TRIM9: variants seen among roughly 807,000 people sequenced by gnomAD.
The protein encoded by TRIM9 is E3 ubiquitin-protein ligase TRIM9.
In TRIM9, 26 loss-of-function variants were observed where a neutral mutation model predicts 78.3. The observed-to-expected ratio is 0.33, with a 90% confidence interval of 0.24 to 0.46. TRIM9 has a LOEUF of 0.46. TRIM9 is among the 20% of genes least tolerant of loss of function. The pLI is 1.00. For synonymous variants in TRIM9, 398 were observed against 416.5 expected (o/e 0.96, Z 0.54); for missense variants, 787 against 1,036.4 (o/e 0.76, Z 3.30).
In TRIM9 at chr14:50,976,642, A is replaced by G. The variant is rs883690; in HGVS notation, c.*649T>C. ...TATACAGTGGCCAGGGTTCTGGCCT[A>G]TCCTAATTATAGAGCCATCCTAACG... On this transcript the variant is annotated 3_prime_UTR_variant, in exon 13 of 13. Coordinates refer to ENST00000684578, the MANE Select transcript of TRIM9 (RefSeq NM_001387360.1). 38,303 of 152,528 alleles carry G rather than the reference A, an allele frequency of 0.25. 5,891 individuals carry two copies. The highest frequency in any genetic ancestry group is 0.44 in the South Asian group (2,137 of 4,814). 9.4% of individuals were successfully genotyped at this position (152,528 alleles called of 1,614,324 possible).
chr14:51,039,279 A>G (rs2059400417), intron 1 of TRIM9, among the ~76,000 whole-genome samples: 2 of 152,244 alleles, frequency 1.3e-5, no homozygotes. Context: ...TCTTCCTAAT[A>G]AAGTTAAACG....
In TRIM9 at chr14:50,987,707, A is replaced by C. The variant is rs117818891; in HGVS notation, c.1604-1563T>G. On this transcript the variant is annotated intron_variant, in intron 7 of 12. Transcript: ENST00000684578. ...TAGAAAAATTCAAAATACAACACCC[A>C]AGCACCACAAACTGGCATGGGTTTC... Among the ~76,000 whole-genome samples, 456 of 152,276 alleles carry C rather than the reference A, an allele frequency of 3.0e-3. 5 individuals are homozygous for C. The South Asian group carries it at 0.035, about 12-fold the overall frequency.
Position 51,000,663 on chromosome 14 carries a change from G to C in TRIM9, c.1464+20C>G. ...GTCACTGCTTTGGGTTAACAAGTACGTAGTGGGCTGTCTACTGACCCGGAA... is the reference window on the plus strand; with the variant it reads ...GTCACTGCTTTGGGTTAACAAGTACCTAGTGGGCTGTCTACTGACCCGGAA... On this transcript the variant is annotated intron_variant, in intron 6 of 12. Transcript: ENST00000684578. The C allele has an allele frequency of 6.2e-7, 1 of 1,613,834 alleles. No homozygotes were observed. The highest frequency in any genetic ancestry group is 1.1e-5 in the South Asian group (1 of 91,062).
chr14:51,093,061 C>T (rs2064529833), intron 1 of TRIM9, among the ~76,000 whole-genome samples: 2 of 151,976 alleles, frequency 1.3e-5, no homozygotes, highest in South Asian at 2.1e-4. Flanking sequence ...CAGTAAGAAG[C>T]AGTGTGGCTG....
chr14:50,982,192 T>C, intron 10 of TRIM9, 89 bp from the exon 11 acceptor site: 2 of 1,482,548 alleles, frequency 1.3e-6, no homozygotes, highest in South Asian at 1.3e-5. Context: ...AGGAGCGTTG[T>C]GTAGCGTTTT....
chr14:50,993,123 A>G (rs11157788), intron 7 of TRIM9, among the ~76,000 whole-genome samples: 57,181 of 151,804 alleles, frequency 0.38, 11,347 homozygotes, highest in Middle Eastern at 0.51. Context: ...TCAGAGATGT[A>G]GCTCTGATAT....
intron 8 of TRIM9, among the ~76,000 whole-genome samples, chr14:50,985,754 C>T (rs2052620923): frequency 6.6e-6 from 1 of 152,184 alleles, no homozygotes; most frequent in Non-Finnish European, 1.5e-5. Flanking sequence ...GACCACAGCT[C>T]CATGGTTGCT....
chr14:51,002,114 T>C lies in TRIM9; in HGVS notation c.1307-1274A>G, dbSNP rs975008741. Among the ~76,000 whole-genome samples the C allele has an allele frequency of 3.9e-5, 6 of 152,130 alleles. No individual in the cohort carries two copies. In the South Asian group the frequency reaches 1.2e-3, roughly 31 times the overall value. On this transcript the variant is annotated intron_variant, in intron 5 of 12. Coordinates refer to ENST00000684578, the MANE Select transcript of TRIM9 (RefSeq NM_001387360.1). ...GTTGGGAACCATGGTTTTGTGTGTG[T>C]GTGTGTGTGTGTTTTTCTTTTTTTT...
At chr14:51,029,266 G>T (rs1401671803) in intron 1 of TRIM9, among the ~76,000 whole-genome samples, 1 of 152,190 alleles carries the variant, frequency 6.6e-6, no homozygotes, top group Non-Finnish European at 1.5e-5. Flanking sequence ...GTCACTCGAA[G>T]AGTTGGTACA....
intron 1 of TRIM9, among the ~76,000 whole-genome samples, chr14:51,079,792 G>A (rs1442876103): frequency 1.3e-5 from 2 of 152,170 alleles, no homozygotes; most frequent in Non-Finnish European, 2.9e-5. Flanking sequence ...ACGACCTAGA[G>A]CTAGATGAAA....
At chr14:50,982,160 A>C in intron 10 of TRIM9, 57 bp from the exon 11 acceptor site, 1 of 1,585,436 alleles carries the variant, frequency 6.3e-7, no homozygotes, top group Non-Finnish European at 8.6e-7. Context: ...GCTCAGCACC[A>C]TAACATACTC....
In TRIM9 at chr14:50,976,987, A is replaced by G. The variant is rs3742326; in HGVS notation, c.*304T>C. On this transcript the variant is annotated 3_prime_UTR_variant, in exon 13 of 13. Transcript: ENST00000684578. The stretch of plus-strand genomic sequence containing the variant: ...AAGAAAGAAAATATAACTCACCTAC[A>G]TAAAAAATTAAGTTAAATAAAAGCA... 0.012 allele frequency: 2,801 copies of G among 242,538 alleles called. 47 individuals are homozygous for G. The highest frequency in any genetic ancestry group is 0.043 in the South Asian group (244 of 5,684). 15.0% of individuals were successfully genotyped at this position (242,538 alleles called of 1,614,324 possible).
At position 50,977,285 on chromosome 14, in the gene TRIM9, A is replaced by G; in HGVS notation, c.*6T>C. ...AACAGGCAGCTGGCGCCTCCACGGCACATCCTTAGGCTATTGATGCTCTGC... is the reference window on the plus strand; with the variant it reads ...AACAGGCAGCTGGCGCCTCCACGGCGCATCCTTAGGCTATTGATGCTCTGC... On this transcript the variant is annotated 3_prime_UTR_variant, in exon 13 of 13. Coordinates refer to ENST00000684578, the MANE Select transcript of TRIM9 (RefSeq NM_001387360.1). The G allele has an allele frequency of 6.7e-7, 1 of 1,500,006 alleles. No individual in the cohort carries two copies. Among genetic ancestry groups the G allele is most frequent in the South Asian group, 1.3e-5 (1 of 74,382 alleles). The allele number at this position is 1,500,006 out of a possible 1,614,324, so 92.9% of individuals were successfully genotyped here. A position where few individuals can be genotyped will look rare whatever the true frequency, so the allele number is the denominator to read the frequency against.
At chr14:51,047,757 A>G (rs1486598119) in intron 1 of TRIM9, among the ~76,000 whole-genome samples, 1 of 152,212 alleles carries the variant, frequency 6.6e-6, no homozygotes, top group African/African-American at 2.4e-5. Context: ...TGGGCAATGC[A>G]CCTTAGAAAA....
chr14:51,046,250 A>C (rs529574492), intron 1 of TRIM9, among the ~76,000 whole-genome samples: 158 of 152,082 alleles, frequency 1.0e-3, no homozygotes, highest in Non-Finnish European at 1.9e-3. Context: ...GTGGGGCTGG[A>C]CCTAGTTATT....
intron 1 of TRIM9, among the ~76,000 whole-genome samples, chr14:51,040,808 C>G (rs117572731): frequency 0.013 from 2,031 of 152,254 alleles, 19 homozygotes; most frequent in Non-Finnish European, 0.02. Flanking sequence ...ATTTACAAAG[C>G]CTGAATTTAA....
At chr14:51,049,475 C>T (rs141874435) in intron 1 of TRIM9, among the ~76,000 whole-genome samples, 53 of 152,180 alleles carry the variant, frequency 3.5e-4, no homozygotes, top group African/African-American at 1.2e-3. Flanking sequence ...AAAGAGTTAC[C>T]ATCCATTTGT....
At chr14:51,076,523 C>A (rs569037253) in intron 1 of TRIM9, among the ~76,000 whole-genome samples, 1 of 152,204 alleles carries the variant, frequency 6.6e-6, no homozygotes, top group African/African-American at 2.4e-5. Flanking sequence ...GATACACAAT[C>A]ATAGTAAAAA....
chr14:51,062,484 G>A (rs921100240), intron 1 of TRIM9, among the ~76,000 whole-genome samples: 1 of 152,152 alleles, frequency 6.6e-6, no homozygotes, highest in Non-Finnish European at 1.5e-5. Flanking sequence ...TATAAACCCT[G>A]GGGAATATAT....
Sources: allele counts gnomAD v4.1 joint callset (sites outside exome capture counted in the v4.1 genomes callset), GRCh38; gene constraint gnomAD v4.1.1; transcripts MANE v1.5; gene names NCBI Gene and HGNC (gene_info 2026-07-23, HGNC 2026-07-21).